Variants in LMLN observed in about 807,000 individuals in gnomAD.
The protein encoded by LMLN is leishmanolysin-like peptidase.
A neutral mutation model predicts 92.3 loss-of-function variants in LMLN; 70 were observed. That is an observed-to-expected ratio of 0.76 (90% CI 0.63 to 0.92). The LOEUF (loss-of-function observed/expected upper bound fraction) is 0.92. Among genes scored for constraint, LMLN ranks in the 40% least tolerant of loss-of-function variants. The pLI, the probability that LMLN is intolerant of heterozygous loss-of-function variation, is 0.00. For synonymous variants in LMLN, 308 were observed against 296.2 expected (o/e 1.04, Z -0.41); for missense variants, 691 against 814.6 (o/e 0.85, Z 1.85).
chr3:198,025,055 A>G lies in LMLN; in HGVS notation c.1656+267A>G, dbSNP rs1400930671. 2.6e-5 allele frequency among the ~76,000 whole-genome samples: 4 copies of G among 152,212 alleles called. No homozygotes were observed. The highest frequency in any genetic ancestry group is 1.3e-4 in the Admixed American group (2 of 15,274). ...TCTGAGGAAGTAATGGTAAATAGGT[A>G]ATTTTGTTCTTGAGCAAATATTACT... On this transcript the variant is annotated intron_variant, in intron 14 of 15. Coordinates refer to ENST00000330198, the Ensembl canonical transcript of LMLN. This position sits in a 1 kb window ranked among gnomAD's most constrained non-coding sequence, Gnocchi z 4.3.
At position 197,983,939 on chromosome 3, in the gene LMLN, A is replaced by T; in HGVS notation, c.729-4A>T. 1 of 1,586,740 alleles carries T rather than the reference A, an allele frequency of 6.3e-7. No homozygotes were observed. Among genetic ancestry groups the T allele is most frequent in the Non-Finnish European group, 8.6e-7 (1 of 1,156,598 alleles). On this transcript the variant is annotated splice_polypyrimidine_tract_variant and splice_region_variant and intron_variant, in intron 6 of 15. Transcript: ENST00000330198. ...ATTTAAAAATTCAATGTCTGTTTTGACAGGCCAATAGCAGGATATGCTAAC... is the reference window on the plus strand; with the variant it reads ...ATTTAAAAATTCAATGTCTGTTTTGTCAGGCCAATAGCAGGATATGCTAAC...
chr3:198,000,758 A>G (rs1182850730), intron 11 of LMLN, among the ~76,000 whole-genome samples: 2 of 152,134 alleles, frequency 1.3e-5, no homozygotes, highest in Non-Finnish European at 2.9e-5. Context: ...GACTTAAATG[A>G]GTAAATATCT....
chr3:198,014,265 T>C (rs1400683415), intron 11 of LMLN, among the ~76,000 whole-genome samples: 1 of 143,768 alleles, frequency 7.0e-6, no homozygotes, highest in African/African-American at 2.7e-5. Context: ...CTAACTAGTC[T>C]GACTTCTCTC....
intron 11 of LMLN, among the ~76,000 whole-genome samples, chr3:198,002,188 A>G (rs867511416): frequency 1.2e-4 from 18 of 151,612 alleles, no homozygotes; most frequent in African/African-American, 2.9e-4. Flanking sequence ...GTCTCACTCT[A>G]TTTCCCAGGC....
intron 1 of LMLN, 60 bp from the exon 2 acceptor site, chr3:197,974,317 G>A: frequency 2.4e-6 from 2 of 823,564 alleles, no homozygotes; most frequent in Admixed American, 2.6e-5. Flanking sequence ...TTTTAAGTTT[G>A]GATTGCAGTG....
At chr3:197,963,231 T>C (rs1720957429) in intron 1 of LMLN, among the ~76,000 whole-genome samples, 1 of 150,916 alleles carries the variant, frequency 6.6e-6, no homozygotes. Flanking sequence ...TTTGAGACAG[T>C]CTTGCTCTGT....
intron 15 of LMLN, 125 bp downstream of exon 16, chr3:198,036,168 A>G: frequency 1.3e-6 from 1 of 799,708 alleles, no homozygotes; most frequent in South Asian, 1.7e-5. Flanking sequence ...TGCTGATTGC[A>G]TTTTTATGGG....
intron 1 of LMLN, among the ~76,000 whole-genome samples, chr3:197,971,819 A>T (rs1272916467): frequency 6.6e-6 from 1 of 151,904 alleles, no homozygotes; most frequent in Non-Finnish European, 1.5e-5. Flanking sequence ...CTTTCACCAA[A>T]TTTGAAATTT....
intron 12 of LMLN, 77 bp from the exon 14 acceptor site, chr3:198,021,369 A>G: frequency 7.5e-7 from 1 of 1,332,666 alleles, no homozygotes. Context: ...AAGGGTTGCG[A>G]GAAATTGCCT....
chr3:197,977,920 CA>C (rs1269778229), intron 5 of LMLN, among the ~76,000 whole-genome samples: 5 of 151,674 alleles, frequency 3.3e-5, no homozygotes, highest in African/African-American at 4.8e-5. Flanking sequence ...TAAAAATCAT[CA>C]AACAATCTGG....
intron 1 of LMLN, among the ~76,000 whole-genome samples, chr3:197,961,940 G>C (rs1399017507): frequency 6.6e-6 from 1 of 152,142 alleles, no homozygotes; most frequent in East Asian, 1.9e-4. Context: ...TTAAGGTTCC[G>C]CCATTCTTGT....
At chr3:197,976,004 C>CT (rs763582344) in intron 3 of LMLN, 25 bp from the exon 4 acceptor site, 16,459 of 1,043,840 alleles carry the variant, frequency 0.016, no homozygotes, top group Non-Finnish European at 0.017. Flanking sequence ...AATTCTGTTT[C>CT]TTTTTTTTTT....
intron 7 of LMLN, among the ~76,000 whole-genome samples, chr3:197,985,270 A>AGG (rs562909823): frequency 2.5e-4 from 38 of 151,978 alleles, no homozygotes; most frequent in African/African-American, 9.2e-4. Flanking sequence ...AAAAGGAAGA[A>AGG]GGGCCGGGCG....
At chr3:198,032,573 C>G (rs1193852521) in intron 14 of LMLN, among the ~76,000 whole-genome samples, 1 of 152,190 alleles carries the variant, frequency 6.6e-6, no homozygotes, top group African/African-American at 2.4e-5. Context: ...TCATCGGCTT[C>G]TGGTGACGGC....
At chr3:197,965,535 C>G (rs1381449842) in intron 1 of LMLN, among the ~76,000 whole-genome samples, 1 of 152,138 alleles carries the variant, frequency 6.6e-6, no homozygotes, top group African/African-American at 2.4e-5. Context: ...GTCACTGTAC[C>G]TGGCCTATTC....
chr3:197,979,506 C>A (rs927116974), intron 5 of LMLN, among the ~76,000 whole-genome samples: 1 of 152,062 alleles, frequency 6.6e-6, no homozygotes, highest in Non-Finnish European at 1.5e-5. Flanking sequence ...TATAGTGAGA[C>A]CCCGTCTATA....
chr3:197,984,595 CAT>C (rs1297348084), intron 7 of LMLN, among the ~76,000 whole-genome samples: 1 of 151,394 alleles, frequency 6.6e-6, no homozygotes, highest in East Asian at 2.0e-4. Context: ...GGACTACAGA[CAT>C]GTGCCACTAC....
At chr3:198,024,777 G>A (rs1168840498) in exon 14 of LMLN, 11 of 1,606,902 alleles carry the variant, frequency 6.8e-6, no homozygotes, top group Non-Finnish European at 9.3e-6. Context: ...CTGGGGAAGC[G>A]GATGCTATCA....
At chr3:197,976,878 G>C (rs1196276536) in intron 5 of LMLN, among the ~76,000 whole-genome samples, 163 bp downstream of exon 5, 1 of 152,210 alleles carries the variant, frequency 6.6e-6, no homozygotes, top group Non-Finnish European at 1.5e-5. Context: ...TAGCTTTCAA[G>C]TGAGTTTAAT....
Sources: gnomAD v4.1 joint callset for allele counts (sites outside exome capture counted in the v4.1 genomes callset) on GRCh38, gnomAD v4.1.1 for gene constraint, Gnocchi (gnomAD v3.1) non-coding constraint, MANE v1.5 for transcripts, NCBI Gene and HGNC (gene_info 2026-07-23, HGNC 2026-07-21) for gene names.